Variants in OTC observed in about 807,000 individuals in gnomAD.
OTC encodes the protein ornithine transcarbamylase, mitochondrial.
Under a neutral mutation model 30.3 loss-of-function variants are expected in OTC, and 3 were observed. The observed-to-expected ratio is 0.10, with a 90% confidence interval of 0.05 to 0.26. The LOEUF (loss-of-function observed/expected upper bound fraction) is 0.26. OTC is among the 10% of genes least tolerant of loss of function. The pLI is 1.00. For missense variants in OTC, 194 were observed against 260.3 expected (o/e 0.75, Z 1.75); for synonymous variants, 111 against 99.7 (o/e 1.11, Z -0.67).
intron 9 of OTC, among the ~76,000 whole-genome samples, chrX:38,412,365 C>T (rs1342573493): frequency 2.7e-5 from 3 of 111,961 alleles, no homozygotes; most frequent in Non-Finnish European, 1.9e-5. Context: ...ATAAAATGGG[C>T]ATTCAAAACA....
intron 1 of OTC, among the ~76,000 whole-genome samples, chrX:38,361,466 G>A (rs770671669): frequency 1.2e-3 from 139 of 112,121 alleles, no homozygotes; most frequent in Middle Eastern, 4.7e-3. Flanking sequence ...TGACATAACT[G>A]CAGAAAGTGG....
At chrX:38,367,146 G>C in intron 1 of OTC, 145 bp from the exon 2 acceptor site, 1 of 469,501 alleles carries the variant, frequency 2.1e-6, no homozygotes, top group Non-Finnish European at 3.6e-6. Flanking sequence ...CCACACTCCA[G>C]CCTGGGCCAC....
chrX:38,396,883 A>T (rs763895393), intron 4 of OTC, among the ~76,000 whole-genome samples: 1 of 112,210 alleles, frequency 8.9e-6, no homozygotes, highest in South Asian at 3.7e-4. Flanking sequence ...GACTGGTGCT[A>T]GCCAACCGCT....
intron 1 of OTC, among the ~76,000 whole-genome samples, chrX:38,360,392 A>G (rs2068265819): frequency 8.9e-6 from 1 of 111,987 alleles, no homozygotes; most frequent in Admixed American, 9.5e-5. Flanking sequence ...TGTGGATCAT[A>G]TGTAATCCAG....
intron 2 of OTC, among the ~76,000 whole-genome samples, chrX:38,368,013 C>A (rs771622912): frequency 9.0e-6 from 1 of 111,178 alleles, no homozygotes; most frequent in Admixed American, 9.6e-5. Flanking sequence ...CCACCGTGCC[C>A]GGCCAAGATT....
chrX:38,373,650 G>A (rs2068332637), intron 3 of OTC: 1 of 111,983 alleles, frequency 8.9e-6, no homozygotes, highest in African/African-American at 3.2e-5. Context: ...TCTGTACAAA[G>A]ATGCCAATGT....
chrX:38,360,294 A>G (rs1179960151), intron 1 of OTC, among the ~76,000 whole-genome samples: 1 of 111,695 alleles, frequency 9.0e-6, no homozygotes, highest in East Asian at 2.8e-4. Context: ...TACTTAAGAA[A>G]TATTTATTGA....
At chrX:38,340,473 G>GTTTTTTTTTTTTTTTTTTTT in the OTC span, among the ~76,000 whole-genome samples, 1 of 56,127 alleles carries the variant, frequency 1.8e-5, no homozygotes, top group Non-Finnish European at 3.3e-5. Context: ...TTTTTTTTTT[G>GTTTTTTTTTTTTTTTTTTTT]TTTTTTTTTT....
At position 38,419,119 on chromosome X, in the gene OTC, C is replaced by T. The variant is rs759115191; in HGVS notation, c.1006-1904C>T. Among the ~76,000 whole-genome samples, 95 of 111,966 alleles carry T rather than the reference C, an allele frequency of 8.5e-4. 1 individual carries two copies. Among genetic ancestry groups the T allele is most frequent in the African/African-American group, 3.0e-3 (92 of 30,873 alleles). Reference sequence around the variant, plus strand: ...TCCTTTCCCCATTATGTGTTCTTGGCACCTCTGTCAAAAAGCAATTGACCA... The same window carrying T: ...TCCTTTCCCCATTATGTGTTCTTGGTACCTCTGTCAAAAAGCAATTGACCA... On this transcript the variant is annotated intron_variant, in intron 9 of 9. Transcript: ENST00000039007.
intron 3 of OTC, among the ~76,000 whole-genome samples, chrX:38,375,714 A>C (rs764103465): frequency 1.7e-4 from 19 of 111,780 alleles, no homozygotes; most frequent in Non-Finnish European, 3.4e-4. Flanking sequence ...ACATATAAGC[A>C]AAGATGTTAA....
chrX:38,341,478 C>A, the OTC span, among the ~76,000 whole-genome samples: 1 of 111,899 alleles, frequency 8.9e-6, no homozygotes, highest in Non-Finnish European at 1.9e-5. Context: ...GGGGAACCTA[C>A]TTTAGAAAAT....
chrX:38,338,429 A>C, the OTC span, among the ~76,000 whole-genome samples: 17 of 111,804 alleles, frequency 1.5e-4, no homozygotes, highest in Middle Eastern at 9.2e-3. Flanking sequence ...CTGATTTTTA[A>C]TTTTCCCTGA....
At chrX:38,352,104 G>A (rs748769095), upstream of OTC, among the ~76,000 whole-genome samples, 1 of 112,532 alleles carries the variant, frequency 8.9e-6, no homozygotes, top group Non-Finnish European at 1.9e-5. Flanking sequence ...AGGCACAAAG[G>A]GAGCTCCAGG....
chrX:38,393,867 A>G (rs768325276), intron 4 of OTC, among the ~76,000 whole-genome samples: 7 of 111,927 alleles, frequency 6.3e-5, no homozygotes, highest in Non-Finnish European at 1.3e-4. Context: ...GGAGAATCCA[A>G]TTCCTTGTCC....
chrX:38,420,340 T>A (rs5963428), intron 9 of OTC, among the ~76,000 whole-genome samples: 27,649 of 110,245 alleles, frequency 0.25, 2,807 homozygotes, highest in African/African-American at 0.33. Context: ...CCTGGCACAG[T>A]GCTTGAAAAA....
the OTC span, among the ~76,000 whole-genome samples, chrX:38,330,578 G>A: frequency 2.0e-3 from 222 of 112,098 alleles, no homozygotes; most frequent in African/African-American, 6.6e-3. Flanking sequence ...GGATTGAACC[G>A]TCAGTTCCAG....
chrX:38,386,875 A>G (rs1390620782), intron 4 of OTC, among the ~76,000 whole-genome samples: 1 of 112,166 alleles, frequency 8.9e-6, no homozygotes, highest in Non-Finnish European at 1.9e-5. Context: ...GAACTTCCAC[A>G]CTGTTTTTCA....
intron 2 of OTC, 43 bp from the exon 3 acceptor site, chrX:38,369,753 A>T (rs779434910): frequency 1.4e-6 from 1 of 692,650 alleles, no homozygotes; most frequent in South Asian, 2.8e-5. Context: ...CATAATTTAT[A>T]TATAAGATAT....
At chrX:38,358,690 C>T (rs2068254905) in intron 1 of OTC, among the ~76,000 whole-genome samples, 1 of 103,210 alleles carries the variant, frequency 9.7e-6, no homozygotes, top group African/African-American at 3.6e-5. Flanking sequence ...GGCGCGATCT[C>T]AGCTCACCAC....
Sources: allele counts gnomAD v4.1 joint callset (sites outside exome capture counted in the v4.1 genomes callset), GRCh38; gene constraint gnomAD v4.1.1; transcripts MANE v1.5; gene names NCBI Gene and HGNC (gene_info 2026-07-23, HGNC 2026-07-21).